The following TRPM7 variants were observed in gnomAD, a reference collection of about 807,000 sequenced individuals.
TRPM7 encodes the protein transient receptor potential cation channel subfamily M member 7.
TRPM7 carries 134 observed loss-of-function variants against 229.7 expected under a neutral mutation model. That is an observed-to-expected ratio of 0.58 (90% confidence interval 0.51 to 0.67). The LOEUF (loss-of-function observed/expected upper bound fraction) is 0.67, where lower values mean the gene tolerates loss of function less well. TRPM7 is among the 30% of genes least tolerant of loss of function. The probability of loss-of-function intolerance (pLI) is 0.00; values close to 1 mark genes in which losing one functional copy is unlikely to be tolerated. For synonymous variants in TRPM7, 699 were observed against 715.2 expected (o/e 0.98, Z 0.36); for missense variants, 1,901 against 2,210.0 (o/e 0.86, Z 2.80).
chr15:50,609,237 C>A lies in TRPM7; in HGVS notation c.2580+344G>T, dbSNP rs117604025. Among the ~76,000 whole-genome samples the A allele has an allele frequency of 1.2e-3, 184 of 152,224 alleles. 2 individuals are homozygous for A. In the East Asian group the frequency reaches 0.031, roughly 26 times the overall value. ...GACTTTTATGTATCATCTGCAAAAT[C>A]CTAAAGCACAAAAAATTATAACTGT... On this transcript the variant is annotated intron_variant, in intron 19 of 38. Transcript: ENST00000646667.
chr15:50,564,250 A>C (rs190312607), intron 38 of TRPM7, among the ~76,000 whole-genome samples: 134 of 34,032 alleles, frequency 3.9e-3, no homozygotes, highest in Middle Eastern at 0.017. Context: ...CTGTCTCAAA[A>C]AATAAAATAA....
intron 12 of TRPM7, among the ~76,000 whole-genome samples, chr15:50,621,157 CA>C (rs35848629): frequency 0.051 from 2,637 of 51,734 alleles, 22 homozygotes; most frequent in African/African-American, 0.15. Context: ...GACTCCGTCT[CA>C]AAAAAAAAAA....
intron 16 of TRPM7, among the ~76,000 whole-genome samples, chr15:50,612,279 C>T (rs1004595038): frequency 6.6e-6 from 1 of 152,096 alleles, no homozygotes; most frequent in African/African-American, 2.4e-5. Context: ...CATGTAGAGA[C>T]GGGGTCTGCC....
At chr15:50,570,030 A>C (rs546981420) in intron 37 of TRPM7, 37 bp from the exon 38 acceptor site, 39 of 1,591,778 alleles carry the variant, frequency 2.5e-5, no homozygotes, top group Admixed American at 1.9e-4. Flanking sequence ...ACAACAAAAA[A>C]AAGGGGGCAG....
intron 38 of TRPM7, among the ~76,000 whole-genome samples, chr15:50,567,971 C>T (rs1028108260): frequency 2.1e-4 from 31 of 150,832 alleles, no homozygotes; most frequent in African/African-American, 6.8e-4. Flanking sequence ...CCCAGCTACT[C>T]GGGAGGCTGA....
At chr15:50,634,986 A>G (rs1390019487) in intron 7 of TRPM7, among the ~76,000 whole-genome samples, 1 of 151,736 alleles carries the variant, frequency 6.6e-6, no homozygotes, top group Non-Finnish European at 1.5e-5. Flanking sequence ...TTTAAAATAT[A>G]TATTTCTGAT....
intron 3 of TRPM7, among the ~76,000 whole-genome samples, chr15:50,654,345 G>C (rs1431361834): frequency 6.6e-6 from 1 of 151,276 alleles, no homozygotes; most frequent in Non-Finnish European, 1.5e-5. Context: ...TACTCGGGAG[G>C]CTAAGGCAGG....
chr15:50,666,054 CAT>C (rs2061870940), intron 1 of TRPM7, among the ~76,000 whole-genome samples: 1 of 151,734 alleles, frequency 6.6e-6, no homozygotes, highest in African/African-American at 2.4e-5. Context: ...ACTTTAAAAA[CAT>C]ATTGAAAGAA....
At chr15:50,676,647 C>A (rs1405495457) in intron 1 of TRPM7, among the ~76,000 whole-genome samples, 1 of 151,932 alleles carries the variant, frequency 6.6e-6, no homozygotes, top group Non-Finnish European at 1.5e-5. Flanking sequence ...GGAGTCTATA[C>A]TTAGAATAAA....
chr15:50,610,182 TTTGA>T (rs2060029872), intron 17 of TRPM7, among the ~76,000 whole-genome samples: 1 of 152,088 alleles, frequency 6.6e-6, no homozygotes, highest in South Asian at 2.1e-4. Context: ...TAACAAAACA[TTTGA>T]TTATTATGAT....
chr15:50,571,055 T>C (rs894069247), intron 36 of TRPM7, among the ~76,000 whole-genome samples: 1 of 152,162 alleles, frequency 6.6e-6, no homozygotes, highest in Non-Finnish European at 1.5e-5. Context: ...CATGTGTGTA[T>C]ATATAAACAC....
intron 7 of TRPM7, among the ~76,000 whole-genome samples, chr15:50,635,430 A>G (rs1371716741): frequency 2.0e-5 from 3 of 151,452 alleles, no homozygotes; most frequent in Non-Finnish European, 2.9e-5. Flanking sequence ...TTGAGAGGCC[A>G]AGTCGGGCAG....
At chr15:50,569,147 G>A (rs751171698) in intron 38 of TRPM7, among the ~76,000 whole-genome samples, 2 of 152,164 alleles carry the variant, frequency 1.3e-5, no homozygotes, top group African/African-American at 2.4e-5. Flanking sequence ...CGATCCTCTG[G>A]TATCAGCCTC....
intron 13 of TRPM7, 76 bp downstream of exon 13, chr15:50,619,668 AT>A (rs34352984): frequency 0.4 from 461,501 of 1,153,662 alleles, 91,753 homozygotes; most frequent in Admixed American, 0.49. Context: ...TATTTAAATG[AT>A]TTTTTTTTTA....
chr15:50,649,712 C>T (rs142425414), intron 3 of TRPM7, among the ~76,000 whole-genome samples: 23 of 152,238 alleles, frequency 1.5e-4, no homozygotes, highest in African/African-American at 5.3e-4. Flanking sequence ...ACATACTGGA[C>T]TATAACACCA....
intron 13 of TRPM7, among the ~76,000 whole-genome samples, chr15:50,615,007 T>TA (rs1028435574): frequency 2.6e-5 from 4 of 151,450 alleles, no homozygotes; most frequent in African/African-American, 9.7e-5. Flanking sequence ...CCGTCTCTAC[T>TA]AAAAAAATAT....
intron 2 of TRPM7, among the ~76,000 whole-genome samples, chr15:50,661,409 TTAA>T (rs1438625398): frequency 2.0e-5 from 3 of 152,196 alleles, no homozygotes; most frequent in African/African-American, 4.8e-5. Flanking sequence ...CCAAATGTTA[TTAA>T]TAATGACAGT....
intron 38 of TRPM7, among the ~76,000 whole-genome samples, chr15:50,568,078 CAAA>C (rs539803278): frequency 6.5e-5 from 4 of 61,140 alleles, no homozygotes; most frequent in African/African-American, 2.4e-4. Context: ...GACTCCGTCT[CAAA>C]AAAAAAAAAA....
chr15:50,660,355 A>G (rs2061692512), intron 2 of TRPM7, among the ~76,000 whole-genome samples: 1 of 152,164 alleles, frequency 6.6e-6, no homozygotes, highest in African/African-American at 2.4e-5. Context: ...ATATACTATT[A>G]TAATTACTGT....
Sources: gnomAD v4.1 joint callset for allele counts (sites outside exome capture counted in the v4.1 genomes callset) on GRCh38, gnomAD v4.1.1 for gene constraint, MANE v1.5 for transcripts, NCBI Gene and HGNC (gene_info 2026-07-23, HGNC 2026-07-21) for gene names.